The following CGNL1 variants were observed in gnomAD, a reference collection of about 807,000 sequenced individuals.
The protein encoded by CGNL1 is cingulin like 1.
A neutral mutation model predicts 141.2 loss-of-function variants in CGNL1; 132 were observed. The ratio of observed to expected loss-of-function variants is 0.93; its 90% CI spans 0.81 to 1.08. The LOEUF is 1.08. CGNL1 is among the 50% of genes least tolerant of loss of function. The pLI, the probability that CGNL1 is intolerant of heterozygous loss-of-function variation, is 0.00. For synonymous variants in CGNL1, 690 were observed against 622.1 expected, an observed-to-expected ratio of 1.11 and a Z score of -1.63; for missense variants, 1,870 against 1,588.6, an observed-to-expected ratio of 1.18 and a Z score of -3.01.
intron 1 of CGNL1, among the ~76,000 whole-genome samples, chr15:57,401,569 T>C (rs1055046033): frequency 2.0e-5 from 3 of 152,238 alleles, no homozygotes; most frequent in Non-Finnish European, 4.4e-5. Flanking sequence ...TGGAAAATTA[T>C]TCAAAACAGC....
At position 57,452,140 on chromosome 15, in the gene CGNL1, G is replaced by C. The variant is rs1315260328; in HGVS notation, c.1906-1G>C. The stretch of plus-strand genomic sequence containing the variant: ...TTTAAAATCACACTGATTCCTGTTA[G>C]AATCAACAGAACATTAAAGAAGAGA... On this transcript the variant is annotated splice_acceptor_variant, in intron 5 of 18. Transcript: ENST00000281282. LOFTEE classifies it high-confidence loss of function. 3 of 1,611,360 alleles carry C rather than the reference G, an allele frequency of 1.9e-6. No homozygotes were observed. The South Asian group carries it at 3.3e-5, about 18-fold the overall frequency.
chr15:57,522,544 C>T (rs1010935100), intron 10 of CGNL1, among the ~76,000 whole-genome samples: 3 of 152,174 alleles, frequency 2.0e-5, no homozygotes, highest in African/African-American at 7.2e-5. Context: ...ACAACGTTTT[C>T]GAGATGATCC....
At chr15:57,461,572 G>T in intron 7 of CGNL1, 108 bp from the exon 8 acceptor site, 1 of 875,798 alleles carries the variant, frequency 1.1e-6, no homozygotes. Context: ...GAGTGGCAAG[G>T]CCAGGTGAGA....
At chr15:57,445,206 C>T (rs1415552813) in intron 4 of CGNL1, among the ~76,000 whole-genome samples, 1 of 152,186 alleles carries the variant, frequency 6.6e-6, no homozygotes, top group Non-Finnish European at 1.5e-5. Flanking sequence ...CTGCAGTGAG[C>T]TATGATTGTG....
chr15:57,438,245 T>G lies in CGNL1; in HGVS notation c.246T>G (p.Asn82Lys). 1.2e-6 allele frequency: 2 copies of G among 1,614,128 alleles called. No individual in the cohort carries two copies. Among genetic ancestry groups the G allele is most frequent in the South Asian group, 2.2e-5 (2 of 91,076 alleles). Residue 82 changes from asparagine (N) to lysine (K), a missense_variant, in exon 2 of 19, where the codon AAT (asparagine) becomes AAG (lysine). Physicochemically the swap from Asn to Lys is moderately conservative, Grantham distance 94 (BLOSUM62 0). Transcript: ENST00000281282. ...CACCCTTTCCACCTCCAGTGATAAA[T>G]AACCTGCCTCTACATTCCAGCAATG... Reference protein sequence around the residue: ...NGPPFPPPVINNLPLHSSNGS... With the variant: ...NGPPFPPPVIKNLPLHSSNGS...
At chr15:57,391,264 G>A (rs2062539754) in intron 1 of CGNL1, among the ~76,000 whole-genome samples, 1 of 152,226 alleles carries the variant, frequency 6.6e-6, no homozygotes, top group South Asian at 2.1e-4. Context: ...GTCTGCTTTG[G>A]AAGAAGCCAT....
Position 57,518,504 on chromosome 15 carries a change from A to G in CGNL1, c.2715+7A>G. 6.3e-7 allele frequency: 1 copy of G among 1,588,256 alleles called. No individual in the cohort carries two copies. Among genetic ancestry groups the G allele is most frequent in the Non-Finnish European group, 8.6e-7 (1 of 1,160,792 alleles). On this transcript the variant is annotated splice_region_variant and intron_variant, in intron 10 of 18. Transcript: ENST00000281282. ...TGAACTGGAGGCTGCTCAGGTAAAC[A>G]CCAAGGGCTGTTGTCATTACTCCCT...
At chr15:57,538,283 A>G (rs1463594919) in intron 14 of CGNL1, among the ~76,000 whole-genome samples, 2 of 152,250 alleles carry the variant, frequency 1.3e-5, no homozygotes. Context: ...AAGGAAGCCT[A>G]TTATGTTTGC....
intron 8 of CGNL1, among the ~76,000 whole-genome samples, chr15:57,493,048 A>G (rs2063888571): frequency 6.6e-6 from 1 of 152,176 alleles, no homozygotes; most frequent in African/African-American, 2.4e-5. Context: ...GTGTATGAGT[A>G]TGATTCTGAG....
At chr15:57,508,749 C>A (rs1364125467) in intron 8 of CGNL1, among the ~76,000 whole-genome samples, 2 of 152,220 alleles carry the variant, frequency 1.3e-5, no homozygotes, top group African/African-American at 4.8e-5. Flanking sequence ...TCAGCCTAGA[C>A]CTCACTACTC....
chr15:57,387,909 CTGGGCAGGGGG>C (rs1168141774), intron 1 of CGNL1, among the ~76,000 whole-genome samples: 1 of 152,158 alleles, frequency 6.6e-6, no homozygotes, highest in Non-Finnish European at 1.5e-5. Context: ...GAGATGGGGG[CTGGGCAGGGGG>C]TGGAGGACAT....
intron 8 of CGNL1, among the ~76,000 whole-genome samples, chr15:57,469,742 G>C (rs1456305115): frequency 2.0e-5 from 3 of 152,126 alleles, no homozygotes; most frequent in Admixed American, 2.0e-4. Context: ...AATTTTGGCT[G>C]TGTGTGTGTA....
chr15:57,408,494 A>T (rs1173090590), intron 1 of CGNL1, among the ~76,000 whole-genome samples: 2 of 152,144 alleles, frequency 1.3e-5, no homozygotes, highest in African/African-American at 4.8e-5. Flanking sequence ...CCCAGAGCCA[A>T]ACCTCTGGAT....
chr15:57,438,006 C>T lies in CGNL1; in HGVS notation c.7C>T (p.Leu3=). ...GTAGCTGGAACAGTGAACCATGGAGCTGTATTTCGGTGAATATCAACATGT... is the reference window on the plus strand; with the variant it reads ...GTAGCTGGAACAGTGAACCATGGAGTTGTATTTCGGTGAATATCAACATGT... ME[L]YFGEYQHVQQ... The change falls in exon 2 of 19, where the codon CTG becomes TTG. Residue 3 remains leucine, a synonymous_variant. Coordinates refer to ENST00000281282, the MANE Select transcript of CGNL1 (RefSeq NM_032866.5). 1 of 1,610,674 alleles carries T rather than the reference C, an allele frequency of 6.2e-7. No homozygotes were observed. Among genetic ancestry groups the T allele is most frequent in the Non-Finnish European group, 8.5e-7 (1 of 1,179,502 alleles).
chr15:57,473,896 CTTCTTTTTTTTTTTT>C (rs556517341), intron 8 of CGNL1, among the ~76,000 whole-genome samples: 1,380 of 110,034 alleles, frequency 0.013, 23 homozygotes, highest in Non-Finnish European at 0.016. Flanking sequence ...TCTTCTTCTT[CTTCTTTTTTTTTTTT>C]TTTTTTTTTT....
intron 14 of CGNL1, among the ~76,000 whole-genome samples, chr15:57,534,257 T>A (rs754843223): frequency 1.3e-5 from 2 of 152,220 alleles, no homozygotes; most frequent in Non-Finnish European, 2.9e-5. Flanking sequence ...CACTGCATCA[T>A]CTGAGATAGG....
intron 1 of CGNL1, among the ~76,000 whole-genome samples, chr15:57,393,727 T>G (rs904173872): frequency 5.9e-5 from 9 of 152,130 alleles, no homozygotes; most frequent in African/African-American, 2.2e-4. Context: ...AGACCAAATG[T>G]CATGCTTACT....
intron 8 of CGNL1, among the ~76,000 whole-genome samples, chr15:57,481,785 G>T (rs1262411511): frequency 6.6e-6 from 1 of 152,078 alleles, no homozygotes; most frequent in African/African-American, 2.4e-5. Context: ...ATCTAGGAGT[G>T]CAATTGCTAG....
rs553799146 is a variant in CGNL1, at chr15:57,440,621, G to A, written c.1697+150G>A. On this transcript the variant is annotated intron_variant, in intron 3 of 18. Coordinates refer to ENST00000281282, the MANE Select transcript of CGNL1 (RefSeq NM_032866.5). ...ACTCAATGGCTGGGGTTTTCGTGAC[G>A]GCATTTGTCTTGTGTGGTATGGGGT... is the stretch of plus-strand genomic sequence containing the variant. 5.6e-4 allele frequency: 366 copies of A among 652,894 alleles called. 5 individuals carry two copies. The South Asian group carries it at 5.9e-3, about 10-fold the overall frequency. The allele number at this position is 652,894 out of a possible 1,614,324, so 40.4% of individuals were successfully genotyped here. A position where few individuals can be genotyped will look rare whatever the true frequency, so the allele number is the denominator to read the frequency against.
Sources: gnomAD v4.1 joint callset for allele counts (sites outside exome capture counted in the v4.1 genomes callset) on GRCh38, gnomAD v4.1.1 for gene constraint, MANE v1.5 for transcripts, NCBI Gene and HGNC (gene_info 2026-07-23, HGNC 2026-07-21) for gene names.